SYNJ2BP: variants seen among roughly 807,000 people sequenced by gnomAD.
SYNJ2BP encodes the protein synaptojanin-2-binding protein.
A neutral mutation model predicts 16.9 loss-of-function variants in SYNJ2BP; 10 were observed. That is an observed-to-expected ratio of 0.59 (90% confidence interval 0.36 to 1.00). The LOEUF (loss-of-function observed/expected upper bound fraction) is 1.00. Among genes scored for constraint, SYNJ2BP ranks in the 50% least tolerant of loss-of-function variants. The pLI is 0.01. For synonymous variants in SYNJ2BP, 54 were observed against 68.4 expected (o/e 0.79, Z 1.04); for missense variants, 162 against 186.7 (o/e 0.87, Z 0.77).
In SYNJ2BP at chr14:70,371,135, G is replaced by A. The variant is rs1303396113; in HGVS notation, c.*1856C>T. 6.6e-6 allele frequency: 1 copy of A among 152,120 alleles called. No individual in the cohort carries two copies. The highest frequency in any genetic ancestry group is 1.5e-5 in the Non-Finnish European group (1 of 68,036). 9.4% of individuals were successfully genotyped at this position (152,120 alleles called of 1,614,324 possible). On this transcript the variant is annotated 3_prime_UTR_variant, in exon 4 of 4. Coordinates refer to ENST00000256366, the MANE Select transcript of SYNJ2BP (RefSeq NM_018373.3). ...GGCCTATAGTATGGCCAATATATTTGGCTAATGGAAATGATTTTCTTAAAG... is the reference window on the plus strand; with the variant it reads ...GGCCTATAGTATGGCCAATATATTTAGCTAATGGAAATGATTTTCTTAAAG...
chr14:70,373,612 C>T (rs555291066), intron 3 of SYNJ2BP, among the ~76,000 whole-genome samples: 1 of 152,264 alleles, frequency 6.6e-6, no homozygotes, highest in African/African-American at 2.4e-5. Flanking sequence ...ACGTCCAATG[C>T]CATTACTTGA....
rs1324748341 is a variant in SYNJ2BP at position 70,405,623 on chromosome 14, C to T, written c.64+11277G>A. 2.6e-5 allele frequency among the ~76,000 whole-genome samples: 4 copies of T among 152,062 alleles called. No homozygotes were observed. The East Asian group carries it at 5.8e-4, about 22-fold the overall frequency. On this transcript the variant is annotated intron_variant, in intron 1 of 3. Coordinates refer to ENST00000256366, the MANE Select transcript of SYNJ2BP (RefSeq NM_018373.3). ...ATGGGTTTTGGGGGCCACTGATCTG[C>T]TCTTTAATAGATTAAAAAAGGGTTA...
At chr14:70,382,160 C>T (rs185464080) in intron 2 of SYNJ2BP, among the ~76,000 whole-genome samples, 2 of 152,242 alleles carry the variant, frequency 1.3e-5, no homozygotes, top group African/African-American at 2.4e-5. Context: ...GGAGTGAACC[C>T]GGGAGGCAGA....
chr14:70,392,648 A>G (rs1888004292), intron 1 of SYNJ2BP, among the ~76,000 whole-genome samples: 1 of 152,208 alleles, frequency 6.6e-6, no homozygotes, highest in Non-Finnish European at 1.5e-5. Flanking sequence ...AAAATCTCCT[A>G]AAAAATGGGA....
chr14:70,405,292 G>C (rs1228702687), intron 1 of SYNJ2BP, among the ~76,000 whole-genome samples: 2 of 151,946 alleles, frequency 1.3e-5, no homozygotes, highest in African/African-American at 2.4e-5. Flanking sequence ...AATGATAATG[G>C]GGAAATAAAT....
intron 2 of SYNJ2BP, among the ~76,000 whole-genome samples, chr14:70,385,520 G>A (rs1414922690): frequency 2.0e-5 from 3 of 151,624 alleles, no homozygotes; most frequent in South Asian, 2.1e-4. Flanking sequence ...ACCAAGGCGC[G>A]TGCCACCATG....
chr14:70,387,691 C>T lies in SYNJ2BP; in HGVS notation c.201+779G>A, dbSNP rs572726041. ...CTAAAAATATAAAAAATTAGCTGGG[C>T]GTAGTGGCAGGGGCCTGTAGTCCCA... On this transcript the variant is annotated intron_variant, in intron 2 of 3. Transcript: ENST00000256366. Among the ~76,000 whole-genome samples, 17 of 152,044 alleles carry T rather than the reference C, an allele frequency of 1.1e-4. 1 individual carries two copies. In the South Asian group the frequency reaches 2.9e-3, roughly 26 times the overall value.
chr14:70,405,537 T>A (rs1045598688), intron 1 of SYNJ2BP, among the ~76,000 whole-genome samples: 9 of 152,178 alleles, frequency 5.9e-5, no homozygotes, highest in East Asian at 3.9e-4. Flanking sequence ...AAACTGAGCA[T>A]CAAAATCAAA....
intron 1 of SYNJ2BP, among the ~76,000 whole-genome samples, chr14:70,413,259 T>G (rs1013691787): frequency 6.6e-6 from 1 of 152,234 alleles, no homozygotes; most frequent in Non-Finnish European, 1.5e-5. Context: ...CCCAAGTCCC[T>G]TCTTACAGTT....
At chr14:70,416,877 G>C (rs1413195022) in intron 1 of SYNJ2BP, 23 bp downstream of exon 1, 7 of 1,613,964 alleles carry the variant, frequency 4.3e-6, no homozygotes, top group Non-Finnish European at 5.9e-6. Context: ...CCTACTGTCA[G>C]ATATGACCCT....
chr14:70,402,037 A>G (rs1375696598), intron 1 of SYNJ2BP, among the ~76,000 whole-genome samples: 2 of 151,900 alleles, frequency 1.3e-5, no homozygotes, highest in Non-Finnish European at 2.9e-5. Context: ...ACTTCTAACG[A>G]CTCAGACCCC....
intron 2 of SYNJ2BP, among the ~76,000 whole-genome samples, chr14:70,379,751 G>A (rs111353485): frequency 2.6e-5 from 4 of 152,130 alleles, no homozygotes; most frequent in Non-Finnish European, 5.9e-5. Flanking sequence ...GACTGTCATG[G>A]GAATGCTCAC....
rs1189893063 is a variant in SYNJ2BP, at chr14:70,368,482, T to G, written c.*4509A>C. 2 of 152,226 alleles carry G rather than the reference T, an allele frequency of 1.3e-5. No individual in the cohort carries two copies. Among genetic ancestry groups the G allele is most frequent in the African/African-American group, 4.8e-5 (2 of 41,468 alleles). The allele number at this position is 152,226 out of a possible 1,614,324, so 9.4% of individuals were successfully genotyped here. A position where few individuals can be genotyped will look rare whatever the true frequency, so the allele number is the denominator to read the frequency against. On this transcript the variant is annotated 3_prime_UTR_variant, in exon 4 of 4. Transcript: ENST00000256366. ...TCTCTGAGCCTTTATTTTTCTCATCTCTAAGACAGATTCATCCTAGAAGCT... is the reference window on the plus strand; with the variant it reads ...TCTCTGAGCCTTTATTTTTCTCATCGCTAAGACAGATTCATCCTAGAAGCT...
chr14:70,415,173 TA>T (rs35018690), intron 1 of SYNJ2BP, among the ~76,000 whole-genome samples: 1 of 136,998 alleles, frequency 7.3e-6, no homozygotes, highest in Non-Finnish European at 1.5e-5. Flanking sequence ...ACCTCGTCTC[TA>T]AAAAAAAAAA....
At chr14:70,373,562 G>A (rs985909324) in intron 3 of SYNJ2BP, among the ~76,000 whole-genome samples, 1 of 152,128 alleles carries the variant, frequency 6.6e-6, no homozygotes, top group African/African-American at 2.4e-5. Flanking sequence ...TGTAGTAAGA[G>A]CAGATGTGGG....
chr14:70,375,219 T>TG (rs1039498741), intron 3 of SYNJ2BP, among the ~76,000 whole-genome samples: 2 of 149,396 alleles, frequency 1.3e-5, no homozygotes, highest in African/African-American at 5.0e-5. Flanking sequence ...TTTTTTTTTT[T>TG]GAGACAGGGT....
intron 1 of SYNJ2BP, among the ~76,000 whole-genome samples, chr14:70,394,236 T>C (rs531246690): frequency 2.0e-5 from 3 of 152,174 alleles, no homozygotes; most frequent in South Asian, 2.1e-4. Flanking sequence ...CAAAAATGCA[T>C]GCATATTTAA....
rs1292312977 is a variant in SYNJ2BP at position 70,375,673 on chromosome 14, T to C, written c.297+3A>G. The C allele has an allele frequency of 6.2e-7, 1 of 1,612,328 alleles. No homozygotes were observed. Among genetic ancestry groups the C allele is most frequent in the Non-Finnish European group, 8.5e-7 (1 of 1,179,346 alleles). Reference sequence around the variant, plus strand: ...CAGGTTTCTGGCTCAAAGTGATACCTACCCTGTGCTGCACTCTCAGAGACA... The same window carrying C: ...CAGGTTTCTGGCTCAAAGTGATACCCACCCTGTGCTGCACTCTCAGAGACA... On this transcript the variant is annotated splice_donor_region_variant and intron_variant, in intron 3 of 3. Coordinates refer to ENST00000256366, the MANE Select transcript of SYNJ2BP (RefSeq NM_018373.3).
Position 70,417,031 on chromosome 14 carries a change from C to T in SYNJ2BP, c.-68G>A. 2.5e-6 allele frequency: 4 copies of T among 1,611,686 alleles called. No individual in the cohort carries two copies. The highest frequency in any genetic ancestry group is 1.1e-5 in the South Asian group (1 of 90,686). On this transcript the variant is annotated 5_prime_UTR_variant, in exon 1 of 4. Transcript: ENST00000256366. Reference sequence around the variant, plus strand: ...GCAGCACAGGTGAAGGTGAATCAATCTCGGCGCTGCGCCCACAGCACAGCG... The same window carrying T: ...GCAGCACAGGTGAAGGTGAATCAATTTCGGCGCTGCGCCCACAGCACAGCG...
Sources: gnomAD v4.1 joint callset for allele counts (sites outside exome capture counted in the v4.1 genomes callset) on GRCh38, gnomAD v4.1.1 for gene constraint, MANE v1.5 for transcripts, NCBI Gene and HGNC (gene_info 2026-07-23, HGNC 2026-07-21) for gene names.